ADAM22: variants seen among roughly 807,000 people sequenced by gnomAD.
ADAM22 encodes disintegrin and metalloproteinase domain-containing protein 22.
ADAM22 carries 65 observed loss-of-function variants against 144.6 expected under a neutral mutation model. The observed-to-expected ratio is 0.45, with a 90% CI of 0.37 to 0.55. ADAM22 has a LOEUF of 0.55. Among genes scored for constraint, ADAM22 ranks in the 20% least tolerant of loss-of-function variants. The pLI is 0.00. For missense variants in ADAM22, 974 were observed against 1,184.9 expected, an observed-to-expected ratio of 0.82 and a Z score of 2.61; for synonymous variants, 391 against 412.6, an observed-to-expected ratio of 0.95 and a Z score of 0.63.
intron 3 of ADAM22, among the ~76,000 whole-genome samples, chr7:87,994,964 A>G (rs1319438076): frequency 6.6e-6 from 1 of 152,082 alleles, no homozygotes; most frequent in Non-Finnish European, 1.5e-5. Flanking sequence ...AGTAGCTGGG[A>G]ATACAGGCGC....
intron 14 of ADAM22, among the ~76,000 whole-genome samples, chr7:88,142,036 A>G (rs1284387379): frequency 6.6e-6 from 1 of 152,180 alleles, no homozygotes; most frequent in African/African-American, 2.4e-5. Context: ...TTTTTTAAGA[A>G]TACATTTTTT....
At chr7:88,191,167 T>A (rs1017660168) in intron 30 of ADAM22, among the ~76,000 whole-genome samples, 4 of 152,168 alleles carry the variant, frequency 2.6e-5, no homozygotes, top group Admixed American at 6.5e-5. Flanking sequence ...CTGGAGAAAA[T>A]CTCCTGTTTT....
chr7:88,006,430 T>C (rs552305532), intron 3 of ADAM22, among the ~76,000 whole-genome samples: 1,544 of 151,956 alleles, frequency 0.01, 19 homozygotes, highest in Non-Finnish European at 0.016. Context: ...ATACCAAAGC[T>C]GGGCAGAGAC....
intron 3 of ADAM22, among the ~76,000 whole-genome samples, chr7:88,024,132 G>C (rs1010165104): frequency 1.6e-4 from 25 of 151,984 alleles, no homozygotes; most frequent in African/African-American, 6.0e-4. Context: ...TTGGCTATTG[G>C]GAATACTGCT....
Position 88,153,299 on chromosome 7 carries a change from A to G in ADAM22, c.1760A>G (p.Lys587Arg). ...GAGAAGGGTAACTGTGGGAAAGACA[A>G]AGACACATGGATACAGTGCAACAAA... ...GTEKGNCGKD[K>R]DTWIQCNKRD... Residue 587 changes from lysine (K) to arginine (R), a missense_variant, in exon 21 of 32, where the codon AAA becomes AGA. By Grantham distance (26) the Lys-to-Arg change is conservative (BLOSUM62 2). Transcript: ENST00000413139. The G allele has an allele frequency of 6.2e-7, 1 of 1,613,538 alleles. No homozygotes were observed. Among genetic ancestry groups the G allele is most frequent in the African/African-American group, 1.3e-5 (1 of 75,024 alleles).
At chr7:88,097,706 A>C (rs1416359079) in intron 4 of ADAM22, among the ~76,000 whole-genome samples, 5 of 151,870 alleles carry the variant, frequency 3.3e-5, no homozygotes, top group Non-Finnish European at 7.4e-5. Flanking sequence ...GAATGCACAA[A>C]TATGTTTTCT....
intron 2 of ADAM22, among the ~76,000 whole-genome samples, chr7:87,938,785 G>A (rs895559248): frequency 3.3e-5 from 5 of 151,962 alleles, no homozygotes; most frequent in African/African-American, 9.7e-5. Flanking sequence ...AAGTAGCTGG[G>A]ACTACAGGCG....
At chr7:88,163,209 A>G in intron 23 of ADAM22, 29 bp downstream of exon 23, 1 of 1,534,630 alleles carries the variant, frequency 6.5e-7, no homozygotes, top group Non-Finnish European at 8.7e-7. Context: ...GTCAGAATCT[A>G]TTTCTTTTAT....
At chr7:88,116,345 A>T (rs139473187) in intron 6 of ADAM22, among the ~76,000 whole-genome samples, 12 of 152,286 alleles carry the variant, frequency 7.9e-5, no homozygotes, top group African/African-American at 2.6e-4. Flanking sequence ...CCTGCTCCCC[A>T]ATACTATGAA....
intron 5 of ADAM22, among the ~76,000 whole-genome samples, chr7:88,109,335 C>T (rs117466771): frequency 0.017 from 2,661 of 152,248 alleles, 33 homozygotes; most frequent in South Asian, 0.037. Context: ...CTTCCTCCAT[C>T]CTGTCGATAA....
chr7:88,126,225 G>C (rs1336596316), intron 8 of ADAM22, among the ~76,000 whole-genome samples: 1 of 151,984 alleles, frequency 6.6e-6, no homozygotes, highest in African/African-American at 2.4e-5. Context: ...TTCACTGAAA[G>C]AAAAATGATG....
chr7:88,173,614 T>C (rs995873386), intron 26 of ADAM22, among the ~76,000 whole-genome samples: 1 of 152,166 alleles, frequency 6.6e-6, no homozygotes, highest in Non-Finnish European at 1.5e-5. Context: ...AAAATATCTA[T>C]AGACATTCAA....
At chr7:88,085,011 C>A (rs1818033604) in intron 4 of ADAM22, among the ~76,000 whole-genome samples, 1 of 152,192 alleles carries the variant, frequency 6.6e-6, no homozygotes. Context: ...TCCTATTGAA[C>A]TAGGACCCAA....
Position 88,143,007 on chromosome 7 carries a change from C to T in ADAM22, c.1221-19C>T. ...AAAGATGAGTTGAACCCAGCTATTGCTTTTCTTCTCTTTTATAGCTATTAT... is the reference window on the plus strand; with the variant it reads ...AAAGATGAGTTGAACCCAGCTATTGTTTTTCTTCTCTTTTATAGCTATTAT... On this transcript the variant is annotated intron_variant, in intron 14 of 31. Coordinates refer to ENST00000413139, the MANE Select transcript of ADAM22 (RefSeq NM_001324418.2). 2 of 1,503,640 alleles carry T rather than the reference C, an allele frequency of 1.3e-6. No homozygotes were observed. The highest frequency in any genetic ancestry group is 1.8e-6 in the Non-Finnish European group (2 of 1,086,872). 93.1% of individuals were successfully genotyped at this position (1,503,640 alleles called of 1,614,324 possible).
At chr7:88,154,711 A>C (rs1472075875) in intron 21 of ADAM22, among the ~76,000 whole-genome samples, 1 of 152,180 alleles carries the variant, frequency 6.6e-6, no homozygotes, top group African/African-American at 2.4e-5. Flanking sequence ...CATTCAAAAA[A>C]GTTTTGAATG....
At chr7:88,195,547 G>T (rs569988237) in intron 31 of ADAM22, among the ~76,000 whole-genome samples, 4 of 152,032 alleles carry the variant, frequency 2.6e-5, no homozygotes, top group African/African-American at 9.7e-5. Flanking sequence ...ATGGAGTCTC[G>T]CTCAGTCGCC....
chr7:88,186,130 A>G (rs1848252911), intron 29 of ADAM22: 1 of 187,514 alleles, frequency 5.3e-6, no homozygotes, highest in Admixed American at 6.1e-5. Flanking sequence ...TGGTCACGTA[A>G]AAGCCTTCTT....
intron 3 of ADAM22, among the ~76,000 whole-genome samples, chr7:88,022,667 AACT>A (rs1291183802): frequency 6.6e-6 from 1 of 152,178 alleles, no homozygotes; most frequent in Non-Finnish European, 1.5e-5. Context: ...TCGTGAATTA[AACT>A]ACTACACTCA....
At chr7:88,182,890 A>G (rs1586580426) in intron 29 of ADAM22, among the ~76,000 whole-genome samples, 1 of 152,292 alleles carries the variant, frequency 6.6e-6, no homozygotes, top group East Asian at 1.9e-4. Flanking sequence ...CTCTAGCGAT[A>G]GTTATTATTT....
Sources: allele counts gnomAD v4.1 joint callset (sites outside exome capture counted in the v4.1 genomes callset), GRCh38; gene constraint gnomAD v4.1.1; transcripts MANE v1.5; gene names NCBI Gene and HGNC (gene_info 2026-07-23, HGNC 2026-07-21).